Variants in INSL6 observed in about 807,000 individuals in gnomAD.
The protein encoded by INSL6 is insulin-like peptide INSL6.
In INSL6, 16 loss-of-function variants were observed where a neutral mutation model predicts 9.4. The observed-to-expected ratio is 1.70, with a 90% CI of 1.15 to 2.59. The LOEUF is 2.59. Among genes scored for constraint, INSL6 ranks in the 30% most tolerant of loss-of-function variants. The probability of loss-of-function intolerance (pLI) is 0.00; values close to 1 mark genes in which losing one functional copy is unlikely to be tolerated. For missense variants in INSL6, 391 were observed against 257.3 expected, an observed-to-expected ratio of 1.52 and a Z score of -3.56; for synonymous variants, 154 against 96.9, an observed-to-expected ratio of 1.59 and a Z score of -3.46.
intron 1 of INSL6, among the ~76,000 whole-genome samples, chr9:5,175,854 A>T (rs1320069593): frequency 6.6e-6 from 1 of 152,118 alleles, no homozygotes; most frequent in African/African-American, 2.4e-5. Context: ...CAGGGCTCCC[A>T]CTGATTCTAC....
At chr9:5,159,455 A>G (rs1824878928), downstream of INSL6, among the ~76,000 whole-genome samples, 1 of 152,170 alleles carries the variant, frequency 6.6e-6, no homozygotes, top group Non-Finnish European at 1.5e-5. Flanking sequence ...AAAGGGATAG[A>G]AAAAGATTTT....
the INSL6 span, chr9:5,050,619 T>A: frequency 3.5e-5 from 51 of 1,445,914 alleles, no homozygotes; most frequent in East Asian, 1.1e-3. Context: ...GATTAAAATA[T>A]AATCATAGAT....
At chr9:5,058,081 TCATC>T in the INSL6 span, among the ~76,000 whole-genome samples, 5 of 152,356 alleles carry the variant, frequency 3.3e-5, no homozygotes, top group African/African-American at 1.2e-4. Context: ...ATTTGTTCAT[TCATC>T]CATCAATGAA....
At chr9:5,047,763 T>A in the INSL6 span, among the ~76,000 whole-genome samples, 4 of 152,100 alleles carry the variant, frequency 2.6e-5, no homozygotes, top group Non-Finnish European at 5.9e-5. Context: ...GCCTGGCTAA[T>A]TTTTTTAGTT....
At chr9:5,130,930 T>C (rs956046520) in intron 3 of INSL6, among the ~76,000 whole-genome samples, 11 of 151,024 alleles carry the variant, frequency 7.3e-5, no homozygotes, top group East Asian at 1.9e-4. Context: ...GGGGTTTCAC[T>C]GTGTTAGCCA....
At chr9:5,153,867 G>T (rs1238495208) in intron 2 of INSL6, among the ~76,000 whole-genome samples, 1 of 152,158 alleles carries the variant, frequency 6.6e-6, no homozygotes, top group East Asian at 1.9e-4. Context: ...TGGATAGAAA[G>T]AATCAATATC....
chr9:5,149,140 C>G (rs1456339630), intron 2 of INSL6, among the ~76,000 whole-genome samples: 1 of 152,212 alleles, frequency 6.6e-6, no homozygotes, highest in African/African-American at 2.4e-5. Flanking sequence ...CCTGCCACTT[C>G]ACACATCTGT....
the INSL6 span, among the ~76,000 whole-genome samples, chr9:5,019,652 G>A: frequency 6.6e-6 from 1 of 152,206 alleles, no homozygotes; most frequent in African/African-American, 2.4e-5. Flanking sequence ...CACATCTGGT[G>A]TAATCATCAC....
At chr9:5,176,584 T>C (rs1292642431) in intron 1 of INSL6, among the ~76,000 whole-genome samples, 1 of 152,014 alleles carries the variant, frequency 6.6e-6, no homozygotes, top group African/African-American at 2.4e-5. Flanking sequence ...CTATTTACGA[T>C]GATTAAAAAA....
chr9:5,040,459 T>C, the INSL6 span, among the ~76,000 whole-genome samples: 430 of 152,328 alleles, frequency 2.8e-3, no homozygotes, highest in African/African-American at 0.01. Context: ...AGTTAGGCTT[T>C]ATCAAAGTTA....
the INSL6 span, chr9:5,070,128 T>G: frequency 9.6e-7 from 1 of 1,043,090 alleles, no homozygotes; most frequent in Non-Finnish European, 1.4e-6. Context: ...TACATTCATG[T>G]GACATTGGAA....
rs768322949 is a variant in INSL6, at chr9:5,185,623, C to G, written c.-21G>C. 5 of 1,602,414 alleles carry G rather than the reference C, an allele frequency of 3.1e-6. No homozygotes were observed. The highest frequency in any genetic ancestry group is 2.2e-5 in the East Asian group (1 of 44,572). On this transcript the variant is annotated 5_prime_UTR_variant, in exon 1 of 2. Transcript: ENST00000381641. ...GGCATCCCTGTGACCCCAGGCTAGTCCTCCGCGTTGTGCAATGGCGGTCGG... is the reference window on the plus strand; with the variant it reads ...GGCATCCCTGTGACCCCAGGCTAGTGCTCCGCGTTGTGCAATGGCGGTCGG...
chr9:5,168,046 A>C (rs149884364), intron 1 of INSL6, among the ~76,000 whole-genome samples: 161 of 152,294 alleles, frequency 1.1e-3, no homozygotes, highest in African/African-American at 3.7e-3. Context: ...ATAAACAAGA[A>C]AGACTTCACA....
intron 1 of INSL6, among the ~76,000 whole-genome samples, chr9:5,183,883 C>T (rs1825510719): frequency 6.6e-6 from 1 of 152,246 alleles, no homozygotes; most frequent in Non-Finnish European, 1.5e-5. Context: ...TATCAGGCCC[C>T]ACCCCAGGTC....
intron 1 of INSL6, among the ~76,000 whole-genome samples, chr9:5,176,600 T>C (rs1327476097): frequency 6.6e-6 from 1 of 151,906 alleles, no homozygotes; most frequent in African/African-American, 2.4e-5. Context: ...AAAAAAAATC[T>C]CTTAGCAAGC....
chr9:5,117,915 T>A, the INSL6 span, among the ~76,000 whole-genome samples: 1 of 152,210 alleles, frequency 6.6e-6, no homozygotes, highest in African/African-American at 2.4e-5. Context: ...TCAAACCTTT[T>A]AAGTATATAT....
At chr9:5,049,776 C>T in the INSL6 span, among the ~76,000 whole-genome samples, 3 of 152,130 alleles carry the variant, frequency 2.0e-5, no homozygotes, top group African/African-American at 7.2e-5. Flanking sequence ...TTATACAAAC[C>T]TATATGTTAT....
chr9:5,064,339 G>A, the INSL6 span, among the ~76,000 whole-genome samples: 6 of 152,132 alleles, frequency 3.9e-5, no homozygotes, highest in Admixed American at 3.3e-4. Context: ...AGACCAGCCT[G>A]GCCAACATGG....
the INSL6 span, chr9:5,041,608 G>A: frequency 4.0e-6 from 2 of 496,140 alleles, no homozygotes; most frequent in South Asian, 3.1e-5. Flanking sequence ...AAGCCCGACT[G>A]TGACTACATG....
Sources: gnomAD v4.1 joint callset for allele counts (sites outside exome capture counted in the v4.1 genomes callset) on GRCh38, gnomAD v4.1.1 for gene constraint, MANE v1.5 for transcripts, NCBI Gene and HGNC (gene_info 2026-07-23, HGNC 2026-07-21) for gene names.